The following LUZP2 variants were observed in gnomAD, a reference collection of about 807,000 sequenced individuals.
LUZP2 encodes leucine zipper protein 2.
LUZP2 carries 52 observed loss-of-function variants against 51.6 expected under a neutral mutation model. The ratio of observed to expected loss-of-function variants is 1.01; its 90% CI spans 0.81 to 1.27. The LOEUF (loss-of-function observed/expected upper bound fraction) is 1.27. LUZP2 is among the 50% of genes most tolerant of loss of function. LUZP2 has a pLI of 0.00. For missense variants in LUZP2, 436 were observed against 395.4 expected (o/e 1.10, Z -0.87); for synonymous variants, 154 against 137.3 (o/e 1.12, Z -0.85).
intron 1 of LUZP2, among the ~76,000 whole-genome samples, chr11:24,713,421 G>A (rs1417100682): frequency 6.6e-6 from 1 of 152,016 alleles, no homozygotes; most frequent in African/African-American, 2.4e-5. Context: ...GTCAACTGGG[G>A]GGAGAACAAT....
At chr11:24,520,425 G>A (rs1850606485) in intron 1 of LUZP2, among the ~76,000 whole-genome samples, 1 of 152,150 alleles carries the variant, frequency 6.6e-6, no homozygotes, top group African/African-American at 2.4e-5. Flanking sequence ...GAAACCAGAT[G>A]TGATTTCTGT....
At chr11:24,530,328 T>C (rs184732509) in intron 1 of LUZP2, among the ~76,000 whole-genome samples, 13 of 151,016 alleles carry the variant, frequency 8.6e-5, no homozygotes, top group Admixed American at 7.3e-4. Context: ...GTAATAGTTG[T>C]TAAGTCTACA....
chr11:25,003,596 T>C (rs767841523), intron 9 of LUZP2, among the ~76,000 whole-genome samples: 4 of 152,184 alleles, frequency 2.6e-5, no homozygotes, highest in Non-Finnish European at 5.9e-5. Context: ...TTACTAAACC[T>C]TGAGCTTTTA....
intron 1 of LUZP2, among the ~76,000 whole-genome samples, chr11:24,681,346 T>C (rs1437752235): frequency 6.6e-6 from 1 of 152,188 alleles, no homozygotes; most frequent in Non-Finnish European, 1.5e-5. Flanking sequence ...TTCTCAGACA[T>C]TCATTCATAG....
chr11:24,562,434 C>T (rs1852073803), intron 1 of LUZP2, among the ~76,000 whole-genome samples: 3 of 149,546 alleles, frequency 2.0e-5, no homozygotes, highest in African/African-American at 7.4e-5. Flanking sequence ...ATTTTTATTT[C>T]AATAGTAGAT....
chr11:24,816,017 A>G (rs1850172193), intron 5 of LUZP2, among the ~76,000 whole-genome samples: 1 of 152,006 alleles, frequency 6.6e-6, no homozygotes, highest in South Asian at 2.1e-4. Context: ...AAAAAAAAAA[A>G]AAAAAGACTT....
intron 9 of LUZP2, among the ~76,000 whole-genome samples, chr11:25,012,693 T>C (rs561428017): frequency 8.5e-5 from 13 of 152,290 alleles, no homozygotes; most frequent in Admixed American, 8.5e-4. Context: ...CCAGTCAGAA[T>C]GACTAGTATG....
intron 7 of LUZP2, among the ~76,000 whole-genome samples, chr11:24,940,562 A>G (rs1417999550): frequency 1.3e-5 from 2 of 152,194 alleles, no homozygotes; most frequent in African/African-American, 4.8e-5. Flanking sequence ...GTAAGATGAA[A>G]TTAATGATAG....
chr11:25,073,466 G>A (rs1195807225), intron 10 of LUZP2, among the ~76,000 whole-genome samples: 1 of 152,192 alleles, frequency 6.6e-6, no homozygotes, highest in Non-Finnish European at 1.5e-5. Flanking sequence ...TTCTTAGATA[G>A]TATTATCAAG....
At chr11:24,582,844 T>G (rs1852920543) in intron 1 of LUZP2, among the ~76,000 whole-genome samples, 1 of 152,144 alleles carries the variant, frequency 6.6e-6, no homozygotes, top group Non-Finnish European at 1.5e-5. Flanking sequence ...GTTATAAGTA[T>G]GAAAATCAGC....
At chr11:24,959,470 C>T (rs1009714947) in intron 7 of LUZP2, among the ~76,000 whole-genome samples, 4 of 152,168 alleles carry the variant, frequency 2.6e-5, no homozygotes, top group South Asian at 2.1e-4. Flanking sequence ...AGGTCCTTCA[C>T]GTCCCTTGTA....
At chr11:24,704,626 G>A (rs1857519481) in intron 1 of LUZP2, among the ~76,000 whole-genome samples, 2 of 151,500 alleles carry the variant, frequency 1.3e-5, no homozygotes, top group South Asian at 4.2e-4. Flanking sequence ...ATATATATAT[G>A]AGAGAACTTA....
At chr11:25,074,026 C>G (rs1027947376) in intron 10 of LUZP2, among the ~76,000 whole-genome samples, 8 of 152,282 alleles carry the variant, frequency 5.3e-5, no homozygotes, top group Admixed American at 3.3e-4. Flanking sequence ...AAACATAAAG[C>G]AAAGTCTATT....
intron 5 of LUZP2, among the ~76,000 whole-genome samples, chr11:24,782,545 C>T (rs1331776346): frequency 2.0e-5 from 3 of 151,964 alleles, no homozygotes; most frequent in African/African-American, 4.8e-5. Context: ...GTAAGCACTG[C>T]TCTTAACACA....
At chr11:24,768,477 A>G (rs1485083094) in intron 5 of LUZP2, among the ~76,000 whole-genome samples, 1 of 152,232 alleles carries the variant, frequency 6.6e-6, no homozygotes, top group African/African-American at 2.4e-5. Flanking sequence ...ATAGTTGGAA[A>G]TACTTCATGA....
At chr11:24,840,546 G>GA (rs1850996404) in intron 5 of LUZP2, among the ~76,000 whole-genome samples, 1 of 151,996 alleles carries the variant, frequency 6.6e-6, no homozygotes, top group Admixed American at 6.6e-5. Context: ...AATAATCTAT[G>GA]AAGCTTGTAA....
chr11:25,039,489 G>T (rs1466576727), intron 9 of LUZP2, among the ~76,000 whole-genome samples: 1 of 152,136 alleles, frequency 6.6e-6, no homozygotes, highest in Non-Finnish European at 1.5e-5. Context: ...AGTTAGCTGG[G>T]GCTAAAGCCT....
In LUZP2 at chr11:24,828,725, G is replaced by T. The variant is rs1174398917; in HGVS notation, c.396+65417G>T. Among the ~76,000 whole-genome samples the T allele has an allele frequency of 2.6e-5, 4 of 152,162 alleles. No individual in the cohort carries two copies. In the East Asian group the frequency reaches 7.7e-4, roughly 29 times the overall value. On this transcript the variant is annotated intron_variant, in intron 5 of 11. Transcript: ENST00000336930. Reference sequence around the variant, plus strand: ...CAGTCTTATGTTCTGTAAGCTGGAGGTGGAGGACTGGCAGCTTCTCAGAGA... The same window carrying T: ...CAGTCTTATGTTCTGTAAGCTGGAGTTGGAGGACTGGCAGCTTCTCAGAGA...
intron 9 of LUZP2, among the ~76,000 whole-genome samples, chr11:25,029,157 A>T (rs779622313): frequency 6.6e-6 from 1 of 152,060 alleles, no homozygotes; most frequent in Admixed American, 6.6e-5. Context: ...AATAAATAAG[A>T]CCTACTATTT....
Sources: allele counts gnomAD v4.1 joint callset (sites outside exome capture counted in the v4.1 genomes callset), GRCh38; gene constraint gnomAD v4.1.1; transcripts MANE v1.5; gene names NCBI Gene and HGNC (gene_info 2026-07-23, HGNC 2026-07-21).